CSMD1: variants seen among roughly 807,000 people sequenced by gnomAD.
CSMD1 encodes CUB and sushi domain-containing protein 1.
A neutral mutation model predicts 417.5 loss-of-function variants in CSMD1; 213 were observed. The ratio of observed to expected loss-of-function variants is 0.51; its 90% CI spans 0.46 to 0.57. The LOEUF (loss-of-function observed/expected upper bound fraction) is 0.57, where lower values mean the gene tolerates loss of function less well. Among genes scored for constraint, CSMD1 ranks in the 20% least tolerant of loss-of-function variants. CSMD1 has a pLI of 0.00. For missense variants in CSMD1, 6,923 were observed against 4,529.7 expected (o/e 1.53, Z -15.17); for synonymous variants, 2,862 against 1,736.8 (o/e 1.65, Z -16.11).
At chr8:4,765,578 G>T (rs1257715323) in intron 1 of CSMD1, among the ~76,000 whole-genome samples, 8 of 152,184 alleles carry the variant, frequency 5.3e-5, no homozygotes, top group Admixed American at 1.3e-4. Flanking sequence ...CTGAGATATG[G>T]ACAATGCTAT....
intron 3 of CSMD1, among the ~76,000 whole-genome samples, chr8:4,373,111 G>C (rs1802498673): frequency 6.6e-6 from 1 of 152,106 alleles, no homozygotes; most frequent in African/African-American, 2.4e-5. Flanking sequence ...CCAAACTCCA[G>C]TCTCATCATG....
chr8:2,954,228 A>G lies in CSMD1; in HGVS notation c.10035T>C (p.Thr3345=). ...GAACTGTTCTGGTATACAAACCTGGAGTTTTAGTAACTGTTTCATTAACTT... is the reference window on the plus strand; with the variant it reads ...GAACTGTTCTGGTATACAAACCTGGGGTTTTAGTAACTGTTTCATTAACTT... The part of the protein sequence containing the change: ...VREVNETVTK[T]PVPSDVFFVN... The change falls in exon 65 of 70, where the codon ACT becomes ACC. Residue 3345 remains threonine, a synonymous_variant. Transcript: ENST00000635120. 1 of 1,498,458 alleles carries G rather than the reference A, an allele frequency of 6.7e-7. No individual in the cohort carries two copies. Among genetic ancestry groups the G allele is most frequent in the Non-Finnish European group, 9.1e-7 (1 of 1,104,840 alleles). The allele number at this position is 1,498,458 out of a possible 1,614,324, so 92.8% of individuals were successfully genotyped here.
chr8:3,893,339 T>TTATATATATATATATATATA (rs56848640), intron 5 of CSMD1, among the ~76,000 whole-genome samples: 1,402 of 80,234 alleles, frequency 0.017, 101 homozygotes, highest in Non-Finnish European at 0.02. Flanking sequence ...ATTCACAATT[T>TTATATATATATATATATATA]TATATATATA....
intron 5 of CSMD1, among the ~76,000 whole-genome samples, chr8:3,822,250 G>C (rs1432781890): frequency 2.0e-5 from 3 of 152,006 alleles, no homozygotes. Flanking sequence ...TTAACCTCTG[G>C]ACGCATCCCT....
rs147777712 is a variant in CSMD1, at chr8:4,807,871, G to C, written c.86-170313C>G. Among the ~76,000 whole-genome samples the C allele has an allele frequency of 4.1e-3, 617 of 152,126 alleles. 15 individuals carry two copies. In the South Asian group the frequency reaches 0.044, roughly 11 times the overall value. ...ATTGTTAATATTACTAGTAAGAGGA[G>C]GAGTATATTCTCAAAGGTCTCCATG... On this transcript the variant is annotated intron_variant, in intron 1 of 69. Coordinates refer to ENST00000635120, the MANE Select transcript of CSMD1 (RefSeq NM_033225.6).
intron 1 of CSMD1, among the ~76,000 whole-genome samples, chr8:4,710,255 A>T (rs1398548118): frequency 6.6e-6 from 1 of 151,984 alleles, no homozygotes; most frequent in African/African-American, 2.4e-5. Context: ...ACATATATTT[A>T]TACACATTTT....
chr8:3,283,864 G>T (rs535857698), intron 26 of CSMD1, among the ~76,000 whole-genome samples: 1 of 152,166 alleles, frequency 6.6e-6, no homozygotes, highest in African/African-American at 2.4e-5. Context: ...CTTTCTTTGG[G>T]TCTTCATTTC....
intron 52 of CSMD1, among the ~76,000 whole-genome samples, chr8:3,001,567 A>G (rs1807408504): frequency 6.6e-6 from 1 of 152,206 alleles, no homozygotes; most frequent in Admixed American, 6.5e-5. Flanking sequence ...TTGCATCAAC[A>G]TTTCTTTTTG....
At chr8:4,179,171 C>T (rs1798217879) in intron 3 of CSMD1, among the ~76,000 whole-genome samples, 1 of 152,126 alleles carries the variant, frequency 6.6e-6, no homozygotes, top group Admixed American at 6.5e-5. Context: ...TACCTGACTT[C>T]AAACTATACT....
At chr8:2,999,154 C>CT (rs33927768) in intron 53 of CSMD1, among the ~76,000 whole-genome samples, 23,947 of 116,396 alleles carry the variant, frequency 0.21, 2,909 homozygotes, top group Non-Finnish European at 0.3. Context: ...TTTTTTTTCC[C>CT]TTTTTTTTTT....
chr8:4,552,976 C>T (rs1341791787), intron 2 of CSMD1, among the ~76,000 whole-genome samples: 1 of 152,216 alleles, frequency 6.6e-6, no homozygotes, highest in Non-Finnish European at 1.5e-5. Context: ...TTGTACCTTG[C>T]TTATGTATGC....
At chr8:4,065,170 A>G (rs998423803) in intron 3 of CSMD1, among the ~76,000 whole-genome samples, 2 of 152,342 alleles carry the variant, frequency 1.3e-5, no homozygotes, top group African/African-American at 4.8e-5. Context: ...TATTTACACA[A>G]AACACTTCTG....
chr8:3,755,326 G>T (rs937371802), intron 5 of CSMD1, among the ~76,000 whole-genome samples: 6 of 152,184 alleles, frequency 3.9e-5, no homozygotes, highest in Non-Finnish European at 8.8e-5. Context: ...CCTGTATCAA[G>T]GGTCGAAAGA....
chr8:3,965,912 C>T (rs973555001), intron 5 of CSMD1, among the ~76,000 whole-genome samples: 4 of 152,148 alleles, frequency 2.6e-5, no homozygotes, highest in African/African-American at 7.2e-5. Flanking sequence ...CCACCATGCC[C>T]GGCCAATGGT....
intron 1 of CSMD1, among the ~76,000 whole-genome samples, chr8:4,648,219 G>A (rs1169855759): frequency 2.6e-5 from 4 of 152,164 alleles, no homozygotes; most frequent in East Asian, 3.9e-4. Context: ...GTCTTCTTTT[G>A]AGAAGTGTCT....
intron 5 of CSMD1, among the ~76,000 whole-genome samples, chr8:3,817,898 C>T (rs1801480231): frequency 6.6e-6 from 1 of 152,136 alleles, no homozygotes; most frequent in African/African-American, 2.4e-5. Context: ...TGCTAAGATG[C>T]AGATTCAGCC....
At chr8:3,966,923 G>T (rs543560141) in intron 5 of CSMD1, among the ~76,000 whole-genome samples, 1 of 152,182 alleles carries the variant, frequency 6.6e-6, no homozygotes, top group African/African-American at 2.4e-5. Context: ...GAATTAAAAG[G>T]CTGGTCTTTA....
chr8:4,830,003 C>A (rs893798444), intron 1 of CSMD1, among the ~76,000 whole-genome samples: 1 of 152,170 alleles, frequency 6.6e-6, no homozygotes, highest in Non-Finnish European at 1.5e-5. Context: ...TCCGTGCTCT[C>A]GTGATGAACT....
chr8:4,041,261 C>T (rs1266415260), intron 3 of CSMD1, among the ~76,000 whole-genome samples: 1 of 150,018 alleles, frequency 6.7e-6, no homozygotes, highest in Non-Finnish European at 1.5e-5. Context: ...TCGTGATCCG[C>T]CCGCCTCGGC....
Sources: allele counts gnomAD v4.1 joint callset (sites outside exome capture counted in the v4.1 genomes callset), GRCh38; gene constraint gnomAD v4.1.1; transcripts MANE v1.5; gene names NCBI Gene and HGNC (gene_info 2026-07-23, HGNC 2026-07-21).